Variants in PSD4 observed in about 807,000 individuals in gnomAD.
PSD4 encodes pleckstrin and Sec7 domain containing 4.
A neutral mutation model predicts 112.5 loss-of-function variants in PSD4; 59 were observed. The ratio of observed to expected loss-of-function variants is 0.52; its 90% CI spans 0.43 to 0.65. The LOEUF (loss-of-function observed/expected upper bound fraction) is 0.65, where lower values mean the gene tolerates loss of function less well. PSD4 is among the 30% of genes least tolerant of loss of function. The pLI is 0.00. For synonymous variants in PSD4, 533 were observed against 540.0 expected (o/e 0.99, Z 0.18); for missense variants, 1,267 against 1,352.6 (o/e 0.94, Z 0.99).
At chr2:113,195,187 A>G (rs1351208252) in intron 10 of PSD4, among the ~76,000 whole-genome samples, 1 of 145,906 alleles carries the variant, frequency 6.9e-6, no homozygotes, top group African/African-American at 2.5e-5. Flanking sequence ...TTTGAGATGG[A>G]GTCTCATCCT....
At chr2:113,186,612 G>T (rs897747849) in intron 5 of PSD4, among the ~76,000 whole-genome samples, 47 of 152,214 alleles carry the variant, frequency 3.1e-4, no homozygotes, top group African/African-American at 1.1e-3. Flanking sequence ...ATGCTGGCAG[G>T]CCAGGGAAGT....
intron 1 of PSD4, among the ~76,000 whole-genome samples, chr2:113,180,760 T>C (rs1389589755): frequency 6.6e-6 from 1 of 152,144 alleles, no homozygotes; most frequent in East Asian, 1.9e-4. Context: ...GAAGGGGCTG[T>C]TGTTCTTGGG....
chr2:113,185,681 G>T (rs1220960203), intron 4 of PSD4, 196 bp from the exon 5 acceptor site: 1 of 1,548,234 alleles, frequency 6.5e-7, no homozygotes, highest in Non-Finnish European at 8.7e-7. Context: ...TGAGCCCTTA[G>T]TTGCCTGGAG....
At chr2:113,178,555 T>C (rs1688038342) in intron 1 of PSD4, among the ~76,000 whole-genome samples, 1 of 151,948 alleles carries the variant, frequency 6.6e-6, no homozygotes, top group Admixed American at 6.6e-5. Flanking sequence ...CATATACATA[T>C]CTATTTGCAA....
Position 113,182,908 on chromosome 2 carries a change from C to G in PSD4, c.452C>G (p.Ser151Cys). The change falls in exon 2 of 17, where the codon TCC becomes TGC. Residue 151 changes from serine (S) to cysteine (C), a missense_variant. By Grantham distance (112) the Ser-to-Cys change is moderately radical. Transcript: ENST00000245796. ...PGSPKQNRST[S>C]TQVVFWAGIL... ...AGCCCAAAGCAGAACCGGAGCACGTCCACACAGGTAGTGTTCTGGGCAGGC... is the reference window on the plus strand; with the variant it reads ...AGCCCAAAGCAGAACCGGAGCACGTGCACACAGGTAGTGTTCTGGGCAGGC... 1 of 1,614,238 alleles carries G rather than the reference C, an allele frequency of 6.2e-7. No individual in the cohort carries two copies. The highest frequency in any genetic ancestry group is 8.5e-7 in the Non-Finnish European group (1 of 1,180,046).
At chr2:113,193,836 A>T in intron 9 of PSD4, 23 bp from the exon 10 acceptor site, 1 of 1,611,080 alleles carries the variant, frequency 6.2e-7, no homozygotes, top group Non-Finnish European at 8.5e-7. Flanking sequence ...TGCTCGAGTC[A>T]TCCCACTTCT....
At chr2:113,194,347 C>A (rs6542124) in intron 10 of PSD4, among the ~76,000 whole-genome samples, 38,175 of 152,142 alleles carry the variant, frequency 0.25, 5,307 homozygotes, top group African/African-American at 0.38. Flanking sequence ...CAATTTGCCC[C>A]CTCTTGGCCA....
chr2:113,193,723 C>A, intron 9 of PSD4, 73 bp downstream of exon 9: 2 of 1,567,622 alleles, frequency 1.3e-6, no homozygotes, highest in Non-Finnish European at 1.8e-6. Context: ...AGACCAGAGG[C>A]CTGAGACCGG....
At chr2:113,177,671 A>G (rs1340413934) in intron 1 of PSD4, among the ~76,000 whole-genome samples, 2 of 138,064 alleles carry the variant, frequency 1.4e-5, no homozygotes, top group Admixed American at 1.4e-4. Flanking sequence ...CAGTTGAACT[A>G]AAGTATGCCC....
At chr2:113,187,253 A>G (rs3791335) in intron 5 of PSD4, among the ~76,000 whole-genome samples, 62,561 of 146,784 alleles carry the variant, frequency 0.43, 11,604 homozygotes, top group East Asian at 0.71. Flanking sequence ...TGGCAGGTGC[A>G]TCCCTGTGAG....
rs756704892 is a variant in PSD4 at position 113,195,704 on chromosome 2, C to T, written c.2182-23C>T. On this transcript the variant is annotated intron_variant, in intron 10 of 16. Transcript: ENST00000245796. ...CTCCACAGCCCTGAGGCTCCCCTGC[C>T]CACCTGTGTGCTTCTGTTCCAGGCC... is the stretch of plus-strand genomic sequence containing the variant. 13 of 1,614,110 alleles carry T rather than the reference C, an allele frequency of 8.1e-6. No individual in the cohort carries two copies. The South Asian group carries it at 1.3e-4, about 16-fold the overall frequency.
intron 1 of PSD4, among the ~76,000 whole-genome samples, chr2:113,174,945 G>C (rs1406835753): frequency 6.6e-6 from 1 of 152,100 alleles, no homozygotes; most frequent in Admixed American, 6.5e-5. Flanking sequence ...TTGGACCTTG[G>C]ACCAGCTTTA....
At chr2:113,197,089 G>A in intron 12 of PSD4, 1 of 218,016 alleles carries the variant, frequency 4.6e-6, no homozygotes. Context: ...AGAGGTAGGG[G>A]GAAAAGAGGG....
chr2:113,178,618 T>C (rs926743480), intron 1 of PSD4, among the ~76,000 whole-genome samples: 1 of 151,942 alleles, frequency 6.6e-6, no homozygotes, highest in African/African-American at 2.4e-5. Flanking sequence ...TTATGAAAAA[T>C]TCAGGATGTC....
At position 113,196,300 on chromosome 2, in the gene PSD4, C is replaced by A. The variant is rs757124231; in HGVS notation, c.2379C>A (p.Gly793=). ...GGAAAATGCATCAAGATGCAGACGG[C>A]AAGAAGAGTGAGTGTCTGCTGCCCA... ...LARKMHQDAD[G]KKTPWGKRGW... Residue 793 remains glycine (G), a synonymous_variant, in exon 12 of 17, where the codon GGC becomes GGA. Coordinates refer to ENST00000245796, the MANE Select transcript of PSD4 (RefSeq NM_012455.3). The A allele has an allele frequency of 6.2e-7, 1 of 1,612,572 alleles. No individual in the cohort carries two copies. Among genetic ancestry groups the A allele is most frequent in the East Asian group, 2.2e-5 (1 of 44,812 alleles).
At chr2:113,193,415 G>A in intron 8 of PSD4, 45 bp downstream of exon 8, 6 of 1,583,360 alleles carry the variant, frequency 3.8e-6, no homozygotes, top group Non-Finnish European at 5.2e-6. Flanking sequence ...AAACTTTGGG[G>A]TGCCCATGTC....
Position 113,185,010 on chromosome 2 carries a change from G to T in PSD4, c.1110G>T (p.Leu370Phe), listed in dbSNP as rs988774228. Residue 370 changes from leucine to phenylalanine, a missense_variant, in exon 3 of 17, where the codon TTG becomes TTT. Around this residue, in one of 2 missense-constraint regions of PSD4, gnomAD observed 723 missense variants for 704.0 expected, o/e 1.03. Transcript: ENST00000245796. ...PSAAPCVDEALTWESGCVGSD... is the reference protein window; with the variant it reads ...PSAAPCVDEAFTWESGCVGSD... ...CAGCACCGTGTGTGGACGAAGCATTGACCTGGGAATCAGGATGTGTCGGAT... is the reference window on the plus strand; with the variant it reads ...CAGCACCGTGTGTGGACGAAGCATTTACCTGGGAATCAGGATGTGTCGGAT... 1 of 1,614,236 alleles carries T rather than the reference G, an allele frequency of 6.2e-7. No homozygotes were observed. Among genetic ancestry groups the T allele is most frequent in the East Asian group, 2.2e-5 (1 of 44,884 alleles).
At chr2:113,197,423 A>G (rs1688641762) in intron 12 of PSD4, 141 bp from the exon 13 acceptor site, 4 of 826,924 alleles carry the variant, frequency 4.8e-6, no homozygotes, top group Non-Finnish European at 8.2e-6. Context: ...TTGTGTTGGC[A>G]TGTTCTGCAT....
intron 5 of PSD4, among the ~76,000 whole-genome samples, chr2:113,191,289 T>C (rs972412734): frequency 2.0e-5 from 3 of 152,214 alleles, no homozygotes; most frequent in Admixed American, 2.0e-4. Context: ...TTCTTTTTTT[T>C]CTTTTAGACG....
Sources: allele counts gnomAD v4.1 joint callset (sites outside exome capture counted in the v4.1 genomes callset), GRCh38; gene constraint gnomAD v4.1.1; regional missense constraint gnomAD v4.1.1; transcripts MANE v1.5; gene names NCBI Gene and HGNC (gene_info 2026-07-23, HGNC 2026-07-21).